Variants in COX19 observed in about 807,000 individuals in gnomAD.
COX19 encodes the protein cytochrome c oxidase assembly factor COX19, also known as cytochrome c oxidase assembly protein COX19.
Under a neutral mutation model 6.8 loss-of-function variants are expected in COX19, and 8 were observed. The observed-to-expected ratio is 1.18, with a 90% CI of 0.69 to 2.12. The LOEUF (loss-of-function observed/expected upper bound fraction) is 2.12, where lower values mean the gene tolerates loss of function less well. Ranked by LOEUF, COX19 falls within the 30% of genes most tolerant of loss-of-function variation. The pLI is 0.00. For synonymous variants in COX19, 51 were observed against 38.0 expected, an observed-to-expected ratio of 1.34 and a Z score of -1.26; for missense variants, 131 against 104.6, an observed-to-expected ratio of 1.25 and a Z score of -1.10.
At position 965,670 on chromosome 7, in the gene COX19, C is replaced by T. The variant is rs190444591; in HGVS notation, c.*3708G>A. On this transcript the variant is annotated 3_prime_UTR_variant, in exon 3 of 3. Transcript: ENST00000344111. ...GGCAACTGAGGGTTTTTTTTTGAGA[C>T]GGTTCTGTCGCCCAGGCTGGAGTGT... is the stretch of plus-strand genomic sequence containing the variant. Among the ~76,000 whole-genome samples, 3 of 152,186 alleles carry T rather than the reference C, an allele frequency of 2.0e-5. No individual in the cohort carries two copies. Among genetic ancestry groups the T allele is most frequent in the East Asian group, 1.9e-4 (1 of 5,184 alleles).
At chr7:970,538 G>A (rs964333872) in intron 2 of COX19, among the ~76,000 whole-genome samples, 1 of 150,648 alleles carries the variant, frequency 6.6e-6, no homozygotes, top group African/African-American at 2.5e-5. Flanking sequence ...CACCTCCCGG[G>A]TTCAGGCAAT....
chr7:967,687 C>G lies in COX19; in HGVS notation c.*1691G>C, dbSNP rs1847577683. On this transcript the variant is annotated 3_prime_UTR_variant, in exon 3 of 3. Coordinates refer to ENST00000344111, the MANE Select transcript of COX19 (RefSeq NM_001031617.3). Reference sequence around the variant, plus strand: ...ATTTACTTTTTGAGCATGTGAAACCCTCTGCCATGACAGCCAGAACTCCAC... The same window carrying G: ...ATTTACTTTTTGAGCATGTGAAACCGTCTGCCATGACAGCCAGAACTCCAC... 1 of 152,326 alleles carries G rather than the reference C, an allele frequency of 6.6e-6. No individual in the cohort carries two copies. Among genetic ancestry groups the G allele is most frequent in the Non-Finnish European group, 1.5e-5 (1 of 68,090 alleles). 9.4% of individuals were successfully genotyped at this position (152,326 alleles called of 1,614,324 possible).
Position 967,941 on chromosome 7 carries a change from G to C in COX19, c.*1437C>G, listed in dbSNP as rs1390201856. ...GCTCACGTGCACTGTGAGGACACTG[G>C]GGTTGCTATAGACAGTGCTGGGGCA... On this transcript the variant is annotated 3_prime_UTR_variant, in exon 3 of 3. Coordinates refer to ENST00000344111, the MANE Select transcript of COX19 (RefSeq NM_001031617.3). The C allele has an allele frequency of 6.6e-6, 1 of 152,300 alleles. No individual in the cohort carries two copies. The highest frequency in any genetic ancestry group is 1.5e-5 in the Non-Finnish European group (1 of 68,056). The allele number at this position is 152,300 out of a possible 1,614,324, so 9.4% of individuals were successfully genotyped here. A position where few individuals can be genotyped will look rare whatever the true frequency, so the allele number is the denominator to read the frequency against.
At position 967,955 on chromosome 7, in the gene COX19, A is replaced by G. The variant is rs1251325352; in HGVS notation, c.*1423T>C. ...TGAGGACACTGGGGTTGCTATAGAC[A>G]GTGCTGGGGCAACCCTGTGCCTACA... On this transcript the variant is annotated 3_prime_UTR_variant, in exon 3 of 3. Transcript: ENST00000344111. 1 of 152,298 alleles carries G rather than the reference A, an allele frequency of 6.6e-6. No homozygotes were observed. The highest frequency in any genetic ancestry group is 2.1e-4 in the South Asian group (1 of 4,842). 9.4% of individuals were successfully genotyped at this position (152,298 alleles called of 1,614,324 possible).
rs1271753326 is a variant in COX19, at chr7:968,104, T to C, written c.*1274A>G. 1 of 152,174 alleles carries C rather than the reference T, an allele frequency of 6.6e-6. No individual in the cohort carries two copies. Among genetic ancestry groups the C allele is most frequent in the East Asian group, 1.9e-4 (1 of 5,198 alleles). The allele number at this position is 152,174 out of a possible 1,614,324, so 9.4% of individuals were successfully genotyped here. A position where few individuals can be genotyped will look rare whatever the true frequency, so the allele number is the denominator to read the frequency against. On this transcript the variant is annotated 3_prime_UTR_variant, in exon 3 of 3. Coordinates refer to ENST00000344111, the MANE Select transcript of COX19 (RefSeq NM_001031617.3). ...CAGTGACAGCTGCAGCCGAATCAGGTGGTAGAACCCATGGGTGCAGGGACA... is the reference window on the plus strand; with the variant it reads ...CAGTGACAGCTGCAGCCGAATCAGGCGGTAGAACCCATGGGTGCAGGGACA...
rs1847530700 is a variant in COX19, at chr7:964,971, T to C, written c.*4407A>G. ...ACCCGAAATATCTCGTGAGAAGCTC[T>C]GGCAGGAACAGCAGGGTGTCTGGAT... is the stretch of plus-strand genomic sequence containing the variant. On this transcript the variant is annotated 3_prime_UTR_variant, in exon 3 of 3. Transcript: ENST00000344111. 6.6e-6 allele frequency among the ~76,000 whole-genome samples: 1 copy of C among 152,248 alleles called. No individual in the cohort carries two copies. The highest frequency in any genetic ancestry group is 2.1e-4 in the South Asian group (1 of 4,830).
intron 1 of COX19, among the ~76,000 whole-genome samples, chr7:974,225 G>A (rs982867198): frequency 1.4e-5 from 2 of 146,216 alleles, no homozygotes; most frequent in Admixed American, 6.9e-5. Context: ...AATCCAGCCT[G>A]GGCAACATGG....
chr7:969,541 A>G (rs1386677536), intron 2 of COX19, 85 bp from the exon 3 acceptor site: 2 of 869,994 alleles, frequency 2.3e-6, no homozygotes, highest in Non-Finnish European at 1.9e-6. Context: ...CCCAGCGCAC[A>G]CCGGGGGTCC....
At chr7:971,698 C>T (rs1172171346) in intron 2 of COX19, among the ~76,000 whole-genome samples, 2 of 152,006 alleles carry the variant, frequency 1.3e-5, no homozygotes, top group African/African-American at 4.8e-5. Flanking sequence ...GGTGAAACCC[C>T]GTCTCTACTA....
At chr7:975,329 T>C (rs1847690065) in intron 1 of COX19, 99 bp downstream of exon 1, 4 of 939,610 alleles carry the variant, frequency 4.3e-6, no homozygotes, top group Non-Finnish European at 4.7e-6. Context: ...TTTCCCCGCC[T>C]GCACCGCGCT....
At chr7:970,214 A>G (rs1444618666) in intron 2 of COX19, among the ~76,000 whole-genome samples, 1 of 151,880 alleles carries the variant, frequency 6.6e-6, no homozygotes, top group East Asian at 1.9e-4. Context: ...GGCTCACTGC[A>G]GCCTCCGCCT....
At position 975,459 on chromosome 7, in the gene COX19, C is replaced by G; in HGVS notation, c.51G>C (p.Pro17=). Residue 17 remains proline (P), a synonymous_variant, in exon 1 of 3, where the codon CCG becomes CCC. Coordinates refer to ENST00000344111, the MANE Select transcript of COX19 (RefSeq NM_001031617.3). The part of the protein sequence containing the change: ...FGTKSFQPRP[P]DKGSFPLDHL... ...GATCCAGCGGGAAGCTGCCCTTGTC[C>G]GGGGGCCGCGGCTGGAAGCTCTTGG... 3 of 1,600,702 alleles carry G rather than the reference C, an allele frequency of 1.9e-6. No homozygotes were observed. Among genetic ancestry groups the G allele is most frequent in the Non-Finnish European group, 2.6e-6 (3 of 1,175,248 alleles).
In COX19 at chr7:975,506, A is replaced by T. The variant is rs755315888; in HGVS notation, c.4T>A (p.Ser2Thr). Reference protein sequence around the residue: MSTAMNFGTKSF... With the variant: MTTAMNFGTKSF... ...TTGGTCCCGAAATTCATGGCGGTCG[A>T]CATGTTGGCGACTCCGGAGTCTGCG... Residue 2 changes from serine to threonine, a missense_variant, in exon 1 of 3, where the codon TCG (serine) becomes ACG (threonine). Physicochemically the swap from Ser to Thr is moderately conservative, Grantham distance 58. Coordinates refer to ENST00000344111, the MANE Select transcript of COX19 (RefSeq NM_001031617.3). 6.9e-6 allele frequency: 11 copies of T among 1,602,518 alleles called. No homozygotes were observed. The highest frequency in any genetic ancestry group is 1.7e-5 in the Admixed American group (1 of 59,252).
chr7:969,597 C>G, intron 2 of COX19, 141 bp from the exon 3 acceptor site: 1 of 680,228 alleles, frequency 1.5e-6, no homozygotes. Context: ...TCGGCCTCGG[C>G]CCCCGTGGCT....
In COX19 at chr7:965,245, TTCC is replaced by T. The variant is rs200476102; in HGVS notation, c.*4130_*4132del. Among the ~76,000 whole-genome samples the T allele has an allele frequency of 1.8e-3, 270 of 152,354 alleles. 2 individuals carry two copies. The highest frequency in any genetic ancestry group is 4.9e-3 in the African/African-American group (202 of 41,574). Reference sequence around the variant, plus strand: ...AGTTTCATACAAAGCATATTTTTTTTTCCTCATTTCAAAATAATTTCAGACTTC... The same window carrying T: ...AGTTTCATACAAAGCATATTTTTTTTTCATTTCAAAATAATTTCAGACTTC... On this transcript the variant is annotated 3_prime_UTR_variant, in exon 3 of 3. Coordinates refer to ENST00000344111, the MANE Select transcript of COX19 (RefSeq NM_001031617.3).
Position 964,865 on chromosome 7 carries a change from C to A in COX19, c.*4513G>T, listed in dbSNP as rs2128116082. 6.6e-6 allele frequency among the ~76,000 whole-genome samples: 1 copy of A among 152,338 alleles called. No homozygotes were observed. The highest frequency in any genetic ancestry group is 1.9e-4 in the East Asian group (1 of 5,192). ...ACGCTCTGGAAATTGTCTTTGGGAG[C>A]CTTTTAATAATGTGGCCAGCTTATC... On this transcript the variant is annotated 3_prime_UTR_variant, in exon 3 of 3. Coordinates refer to ENST00000344111, the MANE Select transcript of COX19 (RefSeq NM_001031617.3).
chr7:969,580 T>A, intron 2 of COX19, 124 bp from the exon 3 acceptor site: 1 of 716,744 alleles, frequency 1.4e-6, no homozygotes, highest in Non-Finnish European at 2.4e-6. Flanking sequence ...CCTGGGAGAG[T>A]GGCCCCTCGG....
Position 973,191 on chromosome 7 carries a change from T to C in COX19, c.184A>G (p.Arg62Gly), listed in dbSNP as rs370430477. The C allele has an allele frequency of 3.8e-6, 6 of 1,596,294 alleles. No homozygotes were observed. The highest frequency in any genetic ancestry group is 1.1e-5 in the South Asian group (1 of 87,992). ...RKESKEYLEC[R>G]MERKLMLQEP... Reference sequence around the variant, plus strand: ...CTTAGCTGTACTCACCTCTCCATCCTGCATTCTAAATATTCTTTTGATTCC... The same window carrying C: ...CTTAGCTGTACTCACCTCTCCATCCCGCATTCTAAATATTCTTTTGATTCC... The change falls in exon 2 of 3, where the codon AGG (arginine) becomes GGG (glycine). Residue 62 changes from arginine (R) to glycine (G), a missense_variant. By Grantham distance (125) the Arg-to-Gly change is moderately radical. Coordinates refer to ENST00000344111, the MANE Select transcript of COX19 (RefSeq NM_001031617.3).
At chr7:972,291 T>G (rs1262626793) in intron 2 of COX19, among the ~76,000 whole-genome samples, 1 of 152,198 alleles carries the variant, frequency 6.6e-6, no homozygotes, top group Non-Finnish European at 1.5e-5. Context: ...GAACGTGGCC[T>G]CACTGAAGTC....
Sources: gnomAD v4.1 joint callset for allele counts (sites outside exome capture counted in the v4.1 genomes callset) on GRCh38, gnomAD v4.1.1 for gene constraint, MANE v1.5 for transcripts, NCBI Gene and HGNC (gene_info 2026-07-23, HGNC 2026-07-21) for gene names.